The following TBX15 variants were observed in gnomAD, a reference collection of about 807,000 sequenced individuals.
TBX15 encodes T-box transcription factor 15.
In TBX15, 18 loss-of-function variants were observed where a neutral mutation model predicts 53.9. The observed-to-expected ratio is 0.33, with a 90% CI of 0.23 to 0.49. TBX15 has a LOEUF of 0.49. Among genes scored for constraint, TBX15 ranks in the 20% least tolerant of loss-of-function variants. The pLI is 0.98. For missense variants in TBX15, 692 were observed against 749.5 expected, an observed-to-expected ratio of 0.92 and a Z score of 0.90; for synonymous variants, 295 against 278.0, an observed-to-expected ratio of 1.06 and a Z score of -0.61.
chr1:118,943,182 T>C (rs1328190634), intron 1 of TBX15, among the ~76,000 whole-genome samples: 4 of 152,290 alleles, frequency 2.6e-5, no homozygotes, highest in South Asian at 4.1e-4. Context: ...GAACAGAAAA[T>C]GACCATATGC....
intron 5 of TBX15, among the ~76,000 whole-genome samples, chr1:118,922,594 T>C (rs911541241): frequency 6.6e-6 from 1 of 152,170 alleles, no homozygotes; most frequent in Non-Finnish European, 1.5e-5. Flanking sequence ...ACCAAGTTTA[T>C]CTGCTGCCAA....
At chr1:118,952,680 A>T (rs1443793201) in intron 1 of TBX15, among the ~76,000 whole-genome samples, 1 of 152,242 alleles carries the variant, frequency 6.6e-6, no homozygotes, top group African/African-American at 2.4e-5. Context: ...AGGCACCTGC[A>T]TAAAGTATGG....
At chr1:118,889,459 A>C (rs1407407444) in intron 7 of TBX15, among the ~76,000 whole-genome samples, 1 of 152,216 alleles carries the variant, frequency 6.6e-6, no homozygotes. Context: ...AGGCCAGGCC[A>C]TACTGATACA....
At chr1:118,916,685 G>T (rs998768715) in intron 5 of TBX15, among the ~76,000 whole-genome samples, 32 of 152,010 alleles carry the variant, frequency 2.1e-4, no homozygotes, top group African/African-American at 7.7e-4. Flanking sequence ...GAAACATGAT[G>T]AAACACCATC....
At chr1:118,971,898 T>C (rs1184443314) in intron 1 of TBX15, among the ~76,000 whole-genome samples, 5 of 152,232 alleles carry the variant, frequency 3.3e-5, no homozygotes, top group Non-Finnish European at 7.3e-5. Flanking sequence ...ATTACTGTCC[T>C]GTTGATAGTG....
intron 1 of TBX15, among the ~76,000 whole-genome samples, chr1:118,943,372 G>A (rs1656246160): frequency 1.3e-5 from 2 of 152,276 alleles, no homozygotes; most frequent in Non-Finnish European, 2.9e-5. Flanking sequence ...GGTGTTAGGA[G>A]AAATGGTGGA....
chr1:118,947,833 T>C (rs558960080), intron 1 of TBX15, among the ~76,000 whole-genome samples: 2 of 152,278 alleles, frequency 1.3e-5, no homozygotes, highest in East Asian at 3.9e-4. Flanking sequence ...AACTGGTCCA[T>C]GCCTCCCCCA....
At chr1:118,888,655 T>C (rs1363466078) in intron 7 of TBX15, among the ~76,000 whole-genome samples, 3 of 152,180 alleles carry the variant, frequency 2.0e-5, no homozygotes, top group Non-Finnish European at 2.9e-5. Flanking sequence ...TATGGGATAG[T>C]TATCTGGTCA....
rs753340888 is a variant in TBX15, at chr1:118,923,527, G to A, written c.770C>T (p.Pro257Leu). The change falls in exon 5 of 8, where the codon CCC becomes CTC. Residue 257 changes from proline (P) to leucine (L), a missense_variant. Physicochemically the swap from Pro to Leu is moderately conservative, Grantham distance 98. This residue lies in a region of TBX15 where 307 missense variants were observed against 347.5 expected (regional missense o/e 0.88). Coordinates refer to ENST00000369429, the MANE Select transcript of TBX15 (RefSeq NM_001330677.2). ...ATCCCCAACAGGAACAGGCTTAGTG[G>A]GTGAAAGGTCACTGCTGAAGTCTTT... ...IRKDFSSDLS[P>L]TKPVPVGDGV... 3 of 1,613,976 alleles carry A rather than the reference G, an allele frequency of 1.9e-6. No homozygotes were observed. The highest frequency in any genetic ancestry group is 2.5e-6 in the Non-Finnish European group (3 of 1,179,936).
chr1:118,892,975 G>A (rs768676520), intron 7 of TBX15, among the ~76,000 whole-genome samples: 2 of 152,016 alleles, frequency 1.3e-5, no homozygotes, highest in African/African-American at 2.4e-5. Context: ...ACTCATGCCT[G>A]TAATCCCAGC....
chr1:118,926,461 T>C (rs1357235355), intron 3 of TBX15, 49 bp downstream of exon 3: 2 of 1,514,822 alleles, frequency 1.3e-6, no homozygotes, highest in Admixed American at 1.7e-5. Flanking sequence ...AAGAATTGTC[T>C]TGGAATGCTG....
intron 7 of TBX15, among the ~76,000 whole-genome samples, chr1:118,894,543 T>C (rs1571151697): frequency 1.3e-5 from 2 of 152,092 alleles, no homozygotes; most frequent in Middle Eastern, 6.8e-3. Context: ...TGGAAGAAAA[T>C]GTAGAAACTA....
At chr1:118,914,094 C>T (rs769235678) in intron 6 of TBX15, 21 bp downstream of exon 6, 12 of 1,613,114 alleles carry the variant, frequency 7.4e-6, no homozygotes, top group African/African-American at 1.3e-5. Flanking sequence ...AAAGAAGTGC[C>T]TCTTCCCCAG....
At chr1:118,976,457 C>T (rs563108081) in intron 1 of TBX15, among the ~76,000 whole-genome samples, 56 of 152,240 alleles carry the variant, frequency 3.7e-4, no homozygotes, top group Middle Eastern at 3.4e-3. Flanking sequence ...ATTTCCTATC[C>T]GGTAAAGTCT....
chr1:118,940,431 C>T (rs1431101398), intron 1 of TBX15, among the ~76,000 whole-genome samples: 3 of 151,884 alleles, frequency 2.0e-5, no homozygotes, highest in African/African-American at 7.3e-5. Flanking sequence ...TTAGCCTAGA[C>T]CATTAAGCAA....
At chr1:118,928,440 A>T (rs572887504) in intron 2 of TBX15, among the ~76,000 whole-genome samples, 1 of 152,298 alleles carries the variant, frequency 6.6e-6, no homozygotes, top group East Asian at 1.9e-4. Context: ...ACATTGACTA[A>T]ATCTAACATT....
chr1:118,924,585 C>A, intron 4 of TBX15, 61 bp downstream of exon 4: 2 of 1,603,444 alleles, frequency 1.2e-6, no homozygotes, highest in South Asian at 1.1e-5. Flanking sequence ...CTGGGGCTAG[C>A]CAGCTCTAAA....
rs539714520 is a variant in TBX15 at position 118,974,840 on chromosome 1, C to T, written c.205+12751G>A. ...TGGGTCCTCAAGGCAGTTTCCTAAT[C>T]CTAGGGCATTAAAAAGAAGCCACTG... On this transcript the variant is annotated intron_variant, in intron 1 of 7. Coordinates refer to ENST00000369429, the MANE Select transcript of TBX15 (RefSeq NM_001330677.2). Among the ~76,000 whole-genome samples, 15 of 152,292 alleles carry T rather than the reference C, an allele frequency of 9.8e-5. No individual in the cohort carries two copies. In the South Asian group the frequency reaches 2.7e-3, roughly 27 times the overall value.
chr1:118,889,846 C>T (rs1002392859), intron 7 of TBX15, among the ~76,000 whole-genome samples: 3 of 152,140 alleles, frequency 2.0e-5, no homozygotes, highest in East Asian at 3.9e-4. Context: ...CTATGTTGCT[C>T]AGGCTGGTCT....
Sources: allele counts gnomAD v4.1 joint callset (sites outside exome capture counted in the v4.1 genomes callset), GRCh38; gene constraint gnomAD v4.1.1; regional missense constraint gnomAD v4.1.1; transcripts MANE v1.5; gene names NCBI Gene and HGNC (gene_info 2026-07-23, HGNC 2026-07-21).